Variants in DCUN1D4 observed in about 807,000 individuals in gnomAD.
DCUN1D4 encodes the protein DCN1-like protein 4.
DCUN1D4 carries 22 observed loss-of-function variants against 47.9 expected under a neutral mutation model. The observed-to-expected ratio is 0.46, with a 90% CI of 0.33 to 0.66. The LOEUF is 0.66. Among genes scored for constraint, DCUN1D4 ranks in the 30% least tolerant of loss-of-function variants. The pLI is 0.02. For synonymous variants in DCUN1D4, 121 were observed against 112.2 expected (o/e 1.08, Z -0.50); for missense variants, 301 against 340.8 (o/e 0.88, Z 0.92).
chr4:51,859,792 C>G (rs1051933770), intron 1 of DCUN1D4, among the ~76,000 whole-genome samples: 1 of 152,074 alleles, frequency 6.6e-6, no homozygotes, highest in Non-Finnish European at 1.5e-5. Flanking sequence ...TTAATACAGA[C>G]TATAGAGTTG....
intron 8 of DCUN1D4, among the ~76,000 whole-genome samples, chr4:51,900,996 C>G (rs1732014472): frequency 6.6e-6 from 1 of 152,150 alleles, no homozygotes; most frequent in Admixed American, 6.5e-5. Flanking sequence ...CTCATGAGTG[C>G]TCTTTGGCCA....
chr4:51,844,370 C>T (rs1722149308), intron 1 of DCUN1D4: 1 of 984,594 alleles, frequency 1.0e-6, no homozygotes. Context: ...TGGAACTGGC[C>T]GTGGTTCCCC....
At chr4:51,866,795 G>A (rs964931612) in intron 3 of DCUN1D4, among the ~76,000 whole-genome samples, 2 of 152,184 alleles carry the variant, frequency 1.3e-5, no homozygotes, top group African/African-American at 2.4e-5. Flanking sequence ...CTTTTGCCTT[G>A]GTTACAGTGG....
intron 1 of DCUN1D4, chr4:51,844,889 A>ATAAAG (rs1191989078): frequency 1.0e-6 from 1 of 984,674 alleles, no homozygotes; most frequent in East Asian, 1.1e-4. Flanking sequence ...TGCTCGGCCA[A>ATAAAG]CTCGTGCTTT....
intron 1 of DCUN1D4, 37 bp downstream of exon 1, chr4:51,843,304 G>T (rs759289502): frequency 2.0e-6 from 3 of 1,507,244 alleles, no homozygotes; most frequent in Non-Finnish European, 2.7e-6. Context: ...GCCGGGGCCG[G>T]GCGGCTGCCA....
intron 1 of DCUN1D4, chr4:51,844,250 C>A (rs910270188): frequency 1.2e-6 from 1 of 853,452 alleles, no homozygotes; most frequent in African/African-American, 1.9e-5. Context: ...GGAGGTACTT[C>A]CTCTCCCTGT....
At position 51,913,663 on chromosome 4, in the gene DCUN1D4, A is replaced by C. The variant is rs1734030407; in HGVS notation, c.*79A>C. The C allele has an allele frequency of 1.5e-6, 2 of 1,294,550 alleles. No homozygotes were observed. Among genetic ancestry groups the C allele is most frequent in the Non-Finnish European group, 2.2e-6 (2 of 896,802 alleles). The allele number at this position is 1,294,550 out of a possible 1,614,324, so 80.2% of individuals were successfully genotyped here. ...TAGCCATAAATTGCTGTTTGTATCA[A>C]AGCGCATGCTGCTTCTCTTGCACTG... On this transcript the variant is annotated 3_prime_UTR_variant, in exon 11 of 11. Coordinates refer to ENST00000334635, the MANE Select transcript of DCUN1D4 (RefSeq NM_001040402.3).
intron 3 of DCUN1D4, among the ~76,000 whole-genome samples, chr4:51,872,446 C>T (rs1727042786): frequency 6.6e-6 from 1 of 152,188 alleles, no homozygotes. Context: ...CCTGCACTCC[C>T]ACCAATCCAT....
chr4:51,892,156 A>G (rs937060688), intron 7 of DCUN1D4, among the ~76,000 whole-genome samples: 2 of 152,210 alleles, frequency 1.3e-5, no homozygotes, highest in Admixed American at 6.5e-5. Context: ...GTAACTTAAG[A>G]TTTTTTAATA....
intron 1 of DCUN1D4, among the ~76,000 whole-genome samples, chr4:51,860,922 T>C (rs879301127): frequency 1.7e-4 from 26 of 152,158 alleles, no homozygotes; most frequent in Admixed American, 1.6e-3. Flanking sequence ...CTTGGGATCA[T>C]TGATGTAAGG....
chr4:51,869,499 T>G (rs1363846016), intron 3 of DCUN1D4, among the ~76,000 whole-genome samples: 7 of 152,212 alleles, frequency 4.6e-5, no homozygotes, highest in African/African-American at 7.2e-5. Flanking sequence ...GTGAGATTTT[T>G]GTATTGGCAC....
intron 3 of DCUN1D4, among the ~76,000 whole-genome samples, chr4:51,870,101 C>A (rs1045787466): frequency 6.6e-6 from 1 of 152,086 alleles, no homozygotes; most frequent in African/African-American, 2.4e-5. Flanking sequence ...GCCAGATGTT[C>A]GTACCTAATT....
At chr4:51,902,451 T>TTA (rs1221860069) in intron 8 of DCUN1D4, among the ~76,000 whole-genome samples, 5 of 152,252 alleles carry the variant, frequency 3.3e-5, no homozygotes, top group Admixed American at 2.6e-4. Flanking sequence ...TTTAGTATTG[T>TTA]TATATCCTCT....
chr4:51,843,198 G>A lies in DCUN1D4; in HGVS notation c.-45G>A, dbSNP rs545740227. 4.1e-4 allele frequency: 630 copies of A among 1,538,132 alleles called. 8 individuals carry two copies. The highest frequency in any genetic ancestry group is 3.1e-3 in the South Asian group (253 of 82,674). On this transcript the variant is annotated 5_prime_UTR_variant, in exon 1 of 11. Coordinates refer to ENST00000334635, the MANE Select transcript of DCUN1D4 (RefSeq NM_001040402.3). ...TGAGCTGGTGGGGGGACCGCGAGGC[G>A]AGCGCGGGAGCCTGGGCGGCGAGCC...
At chr4:51,852,559 G>C (rs1361582143) in intron 1 of DCUN1D4, among the ~76,000 whole-genome samples, 1 of 152,170 alleles carries the variant, frequency 6.6e-6, no homozygotes, top group Non-Finnish European at 1.5e-5. Flanking sequence ...TAGTGAATTA[G>C]TAGTTTTAAA....
At chr4:51,869,050 G>C (rs1004416505) in intron 3 of DCUN1D4, among the ~76,000 whole-genome samples, 9 of 151,580 alleles carry the variant, frequency 5.9e-5, no homozygotes, top group African/African-American at 2.2e-4. Flanking sequence ...TCTGGACCCG[G>C]GGGGCCGAGG....
At position 51,913,574 on chromosome 4, in the gene DCUN1D4, A is replaced by G; in HGVS notation, c.869A>G (p.Gln290Arg). 3 of 1,612,906 alleles carry G rather than the reference A, an allele frequency of 1.9e-6. No individual in the cohort carries two copies. Among genetic ancestry groups the G allele is most frequent in the Non-Finnish European group, 1.7e-6 (2 of 1,179,222 alleles). The stretch of plus-strand genomic sequence containing the variant: ...TTTGTGGAGTGGTATAAAGACAAAC[A>G]GATGTCCTAGGACTTTATGCATAGC... ...DEFVEWYKDK[Q>R]MS The change falls in exon 11 of 11, where the codon CAG becomes CGG. Residue 290 changes from glutamine (Q) to arginine (R), a missense_variant. Coordinates refer to ENST00000334635, the MANE Select transcript of DCUN1D4 (RefSeq NM_001040402.3).
At chr4:51,842,355 C>A (rs1340280792), upstream of DCUN1D4, among the ~76,000 whole-genome samples, 3 of 152,136 alleles carry the variant, frequency 2.0e-5, no homozygotes, top group African/African-American at 7.2e-5. Flanking sequence ...GTGTGACGGA[C>A]AATGCTCGTG....
At chr4:51,902,161 A>G (rs1732213622) in intron 8 of DCUN1D4, among the ~76,000 whole-genome samples, 1 of 152,158 alleles carries the variant, frequency 6.6e-6, no homozygotes, top group Admixed American at 6.5e-5. Flanking sequence ...ACCCTGTATA[A>G]TTTTTATCTA....
Sources: allele counts gnomAD v4.1 joint callset (sites outside exome capture counted in the v4.1 genomes callset), GRCh38; gene constraint gnomAD v4.1.1; transcripts MANE v1.5; gene names NCBI Gene and HGNC (gene_info 2026-07-23, HGNC 2026-07-21).